PTPRD: variants seen among roughly 807,000 people sequenced by gnomAD.
PTPRD encodes protein tyrosine phosphatase receptor type D.
PTPRD carries 34 observed loss-of-function variants against 214.5 expected under a neutral mutation model. The ratio of observed to expected loss-of-function variants is 0.16; its 90% CI spans 0.12 to 0.21. The LOEUF is 0.21. Among genes scored for constraint, PTPRD ranks in the 10% least tolerant of loss-of-function variants. The pLI is 1.00. For missense variants in PTPRD, 2,545 were observed against 2,398.7 expected, an observed-to-expected ratio of 1.06 and a Z score of -1.27; for synonymous variants, 1,128 against 845.7, an observed-to-expected ratio of 1.33 and a Z score of -5.79.
intron 2 of PTPRD, among the ~76,000 whole-genome samples, chr9:10,382,626 T>C (rs905588502): frequency 1.3e-5 from 2 of 151,904 alleles, no homozygotes; most frequent in Non-Finnish European, 2.9e-5. Flanking sequence ...TTGCTTAAAA[T>C]AAAGTTCTTA....
chr9:9,122,549 C>G (rs986059253), intron 10 of PTPRD, among the ~76,000 whole-genome samples: 4 of 152,120 alleles, frequency 2.6e-5, no homozygotes, highest in African/African-American at 7.2e-5. Flanking sequence ...CTCTTCATTC[C>G]TAACATAATT....
intron 11 of PTPRD, among the ~76,000 whole-genome samples, chr9:8,930,882 T>C (rs2098947896): frequency 1.3e-5 from 2 of 152,176 alleles, no homozygotes; most frequent in Admixed American, 6.5e-5. Flanking sequence ...GATGAGTAGA[T>C]TGCAAAAATG....
At chr9:9,151,212 T>G (rs896415437) in intron 10 of PTPRD, among the ~76,000 whole-genome samples, 2 of 152,236 alleles carry the variant, frequency 1.3e-5, no homozygotes, top group African/African-American at 4.8e-5. Context: ...ACAATTGTTT[T>G]GGGGAGTCTG....
intron 2 of PTPRD, among the ~76,000 whole-genome samples, chr9:10,350,404 G>T (rs1489161669): frequency 2.6e-5 from 4 of 151,618 alleles, no homozygotes; most frequent in African/African-American, 9.7e-5. Flanking sequence ...CTTTAGGGTG[G>T]CTCACTTAAT....
chr9:8,849,412 G>A (rs2097769962), intron 11 of PTPRD, among the ~76,000 whole-genome samples: 1 of 151,994 alleles, frequency 6.6e-6, no homozygotes, highest in Non-Finnish European at 1.5e-5. Context: ...ATTTTTAGTG[G>A]AGACGGGGTT....
intron 2 of PTPRD, among the ~76,000 whole-genome samples, chr9:10,431,561 T>G (rs2098678935): frequency 6.6e-6 from 1 of 151,332 alleles, no homozygotes; most frequent in South Asian, 2.1e-4. Flanking sequence ...ATATCCAGAA[T>G]CTACAATGAA....
At chr9:10,552,691 T>G (rs2061601278) in intron 2 of PTPRD, among the ~76,000 whole-genome samples, 2 of 152,122 alleles carry the variant, frequency 1.3e-5, no homozygotes, top group South Asian at 4.1e-4. Flanking sequence ...ACTGCAGATT[T>G]ATGGCAGGAG....
chr9:8,838,493 A>G (rs2097487102), intron 11 of PTPRD, among the ~76,000 whole-genome samples: 1 of 152,150 alleles, frequency 6.6e-6, no homozygotes, highest in Non-Finnish European at 1.5e-5. Flanking sequence ...ATTCAACTCA[A>G]AATTAACTTA....
intron 10 of PTPRD, among the ~76,000 whole-genome samples, chr9:9,176,507 C>A (rs1022642779): frequency 6.6e-6 from 1 of 151,922 alleles, no homozygotes; most frequent in African/African-American, 2.4e-5. Context: ...AAAAATAGAC[C>A]CATGTTAATT....
chr9:9,837,454 C>T (rs1233475035), intron 5 of PTPRD, among the ~76,000 whole-genome samples: 1 of 152,102 alleles, frequency 6.6e-6, no homozygotes, highest in Admixed American at 6.6e-5. Flanking sequence ...AAGCCTTCCC[C>T]ATTGTATTAA....
chr9:10,342,594 T>C (rs1380305660), intron 2 of PTPRD, among the ~76,000 whole-genome samples: 4 of 152,128 alleles, frequency 2.6e-5, no homozygotes, highest in Non-Finnish European at 4.4e-5. Context: ...AGTCAAAGTA[T>C]TGTCCTCAAA....
chr9:8,636,571 C>T, intron 13 of PTPRD, 128 bp downstream of exon 13: 1 of 1,172,334 alleles, frequency 8.5e-7, no homozygotes, highest in East Asian at 2.4e-5. Flanking sequence ...TTTTCCATCA[C>T]TTGCAATGTA....
At chr9:10,242,940 G>GGA (rs375926103) in intron 3 of PTPRD, among the ~76,000 whole-genome samples, 22 of 147,242 alleles carry the variant, frequency 1.5e-4, no homozygotes, top group East Asian at 4.0e-4. Context: ...AGGGAGGGAG[G>GGA]GAGAGAGAGA....
chr9:8,923,216 A>T (rs1019604775), intron 11 of PTPRD, among the ~76,000 whole-genome samples: 6 of 151,138 alleles, frequency 4.0e-5, no homozygotes, highest in Non-Finnish European at 7.4e-5. Context: ...TAATTTTTGT[A>T]TTTTTAGTAG....
At chr9:10,112,431 ATT>A (rs61488370) in intron 3 of PTPRD, among the ~76,000 whole-genome samples, 1 of 149,650 alleles carries the variant, frequency 6.7e-6, no homozygotes, top group African/African-American at 2.5e-5. Context: ...ACAATTATCT[ATT>A]TTTTTTTTGT....
In PTPRD at chr9:8,500,937, A is replaced by G. The variant is rs932334009; in HGVS notation, c.1945T>C (p.Tyr649His). The G allele has an allele frequency of 1.2e-6, 2 of 1,614,038 alleles. No homozygotes were observed. The highest frequency in any genetic ancestry group is 2.7e-5 in the African/African-American group (2 of 74,912). Residue 649 changes from tyrosine to histidine, a missense_variant, in exon 24 of 46, where the codon TAC (tyrosine) becomes CAC (histidine). Tyr to His is a moderately conservative substitution (Grantham distance 83). Coordinates refer to ENST00000381196, the MANE Select transcript of PTPRD (RefSeq NM_002839.4). ...NGIITEYSIK[Y>H]TAVDGEDDKP... ...TCATCTTCCCCATCCACTGCAGTGT[A>G]CTTGATGGAGTATTCAGTGATAATG...
chr9:9,119,371 A>T (rs1200905994), intron 10 of PTPRD, among the ~76,000 whole-genome samples: 2 of 151,646 alleles, frequency 1.3e-5, no homozygotes, highest in African/African-American at 4.9e-5. Flanking sequence ...GGTGAGGGTG[A>T]GGAGATAACT....
rs866917222 is a variant in PTPRD at position 10,191,146 on chromosome 9, T to C, written c.-545+149817A>G. Among the ~76,000 whole-genome samples, 7 of 152,254 alleles carry C rather than the reference T, an allele frequency of 4.6e-5. 1 individual carries two copies. In the Middle Eastern group the frequency reaches 0.01, roughly 222 times the overall value. The stretch of plus-strand genomic sequence containing the variant: ...TGAAAATTTATGTGACACTTTTTCA[T>C]AAGATATGCTCATTTGAATAAGAAA... On this transcript the variant is annotated intron_variant, in intron 3 of 45. Transcript: ENST00000381196.
At chr9:10,091,366 T>A (rs1281851073) in intron 3 of PTPRD, among the ~76,000 whole-genome samples, 1 of 151,490 alleles carries the variant, frequency 6.6e-6, no homozygotes, top group Non-Finnish European at 1.5e-5. Flanking sequence ...TTAAAATACA[T>A]CCCTCTACTG....
Sources: gnomAD v4.1 joint callset for allele counts (sites outside exome capture counted in the v4.1 genomes callset) on GRCh38, gnomAD v4.1.1 for gene constraint, MANE v1.5 for transcripts, NCBI Gene and HGNC (gene_info 2026-07-23, HGNC 2026-07-21) for gene names.